Variants in DENND1A observed in about 807,000 individuals in gnomAD.
The protein encoded by DENND1A is DENN domain containing 1A, also known as DENN domain-containing protein 1A.
A neutral mutation model predicts 113.7 loss-of-function variants in DENND1A; 51 were observed. The ratio of observed to expected loss-of-function variants is 0.45; its 90% CI spans 0.36 to 0.57. DENND1A has a LOEUF of 0.57. DENND1A is among the 20% of genes least tolerant of loss of function. DENND1A has a pLI of 0.00. For missense variants in DENND1A, 1,258 were observed against 1,395.9 expected, an observed-to-expected ratio of 0.90 and a Z score of 1.57; for synonymous variants, 565 against 570.8, an observed-to-expected ratio of 0.99 and a Z score of 0.14.
chr9:123,526,569 G>A (rs568091084), intron 13 of DENND1A, among the ~76,000 whole-genome samples: 5 of 152,098 alleles, frequency 3.3e-5, no homozygotes, highest in South Asian at 4.2e-4. Flanking sequence ...CTCTACCTCC[G>A]CCACCTCGAC....
intron 19 of DENND1A, among the ~76,000 whole-genome samples, chr9:123,429,904 A>G (rs1025368929): frequency 6.6e-6 from 1 of 152,238 alleles, no homozygotes; most frequent in Non-Finnish European, 1.5e-5. Flanking sequence ...ATCAGAGTGA[A>G]CAGACAACCT....
intron 18 of DENND1A, among the ~76,000 whole-genome samples, chr9:123,447,351 C>T (rs1169194996): frequency 6.6e-6 from 1 of 152,112 alleles, no homozygotes; most frequent in African/African-American, 2.4e-5. Context: ...GTCACACCAT[C>T]GGATCTATTA....
rs745799766 is a variant in DENND1A, at chr9:123,382,260, G to A, written c.2385C>T (p.Val795=). 3.4e-5 allele frequency: 55 copies of A among 1,610,608 alleles called. 1 individual carries two copies. In the South Asian group the frequency reaches 5.8e-4, roughly 17 times the overall value. ...LQAAGAALGD[V]SERLQTDRDR... is the part of the protein sequence containing the mutation. Reference sequence around the variant, plus strand: ...CCCGATCCGTCTGCAGCCGCTCTGAGACGTCACCAAGTGCGGCGCCGGCAG... The same window carrying A: ...CCCGATCCGTCTGCAGCCGCTCTGAAACGTCACCAAGTGCGGCGCCGGCAG... Residue 795 remains valine (V), a synonymous_variant, in exon 24 of 24, where the codon GTC becomes GTT. Transcript: ENST00000394215.
chr9:123,717,397 G>C (rs1250789464), intron 5 of DENND1A, among the ~76,000 whole-genome samples: 1 of 152,196 alleles, frequency 6.6e-6, no homozygotes, highest in Non-Finnish European at 1.5e-5. Flanking sequence ...GAAGGGGAAT[G>C]ATTATCCCCA....
chr9:123,511,153 C>T (rs2053426202), intron 13 of DENND1A, among the ~76,000 whole-genome samples: 3 of 152,198 alleles, frequency 2.0e-5, no homozygotes, highest in Admixed American at 6.5e-5. Flanking sequence ...TCCCAGAGTC[C>T]CTCTCTGGGT....
chr9:123,503,305 T>C (rs1287103456), intron 13 of DENND1A, among the ~76,000 whole-genome samples: 1 of 152,218 alleles, frequency 6.6e-6, no homozygotes, highest in Non-Finnish European at 1.5e-5. Context: ...CAATATCTTT[T>C]TAGATGGTTT....
rs35223887 is a variant in DENND1A, at chr9:123,538,809, CATATATATATATATATATATATATATAT to C, written c.993+18733_993+18760del. Among the ~76,000 whole-genome samples the C allele has an allele frequency of 2.1e-3, 47 of 22,468 alleles. 4 individuals carry two copies. Among genetic ancestry groups the C allele is most frequent in the East Asian group, 0.012 (9 of 760 alleles). 14.7% of individuals were successfully genotyped at this position (22,468 alleles called of 152,430 possible). ...ATGAATCCAAAGGTGACAACTCATA[CATATATATATATATATATATATATATAT>C]ATATATATATATATATATATATGAA... On this transcript the variant is annotated intron_variant, in intron 13 of 23. Coordinates refer to ENST00000394215, the MANE Select transcript of DENND1A (RefSeq NM_001352964.2).
intron 11 of DENND1A, among the ~76,000 whole-genome samples, chr9:123,588,780 T>C (rs1564774302): frequency 6.6e-6 from 1 of 151,558 alleles, no homozygotes; most frequent in East Asian, 1.9e-4. Context: ...TTTGTTTTTT[T>C]TTTTTGAGAT....
At chr9:123,704,146 T>C (rs1163534846) in intron 5 of DENND1A, among the ~76,000 whole-genome samples, 1 of 137,510 alleles carries the variant, frequency 7.3e-6, no homozygotes. Context: ...GCCCGAAAAA[T>C]AAAATGAAAA....
chr9:123,590,347 C>A (rs536640876), intron 11 of DENND1A, among the ~76,000 whole-genome samples: 1 of 152,120 alleles, frequency 6.6e-6, no homozygotes, highest in Non-Finnish European at 1.5e-5. Flanking sequence ...GCAGACAATT[C>A]GTGAATGAAT....
intron 12 of DENND1A, among the ~76,000 whole-genome samples, chr9:123,582,513 C>T (rs1006186043): frequency 6.6e-6 from 1 of 151,614 alleles, no homozygotes; most frequent in Non-Finnish European, 1.5e-5. Context: ...AATTCTCCTG[C>T]CTCAGCCTCC....
intron 12 of DENND1A, among the ~76,000 whole-genome samples, chr9:123,564,953 C>T (rs1380506197): frequency 6.9e-6 from 1 of 144,716 alleles, no homozygotes; most frequent in Non-Finnish European, 1.5e-5. Flanking sequence ...ATGCATTCTG[C>T]AAGAATCCAA....
intron 13 of DENND1A, among the ~76,000 whole-genome samples, chr9:123,508,385 G>A (rs1050933071): frequency 6.6e-6 from 1 of 152,166 alleles, no homozygotes; most frequent in African/African-American, 2.4e-5. Flanking sequence ...ATTCTAAGAC[G>A]ACACCCATGA....
rs540410133 is a variant in DENND1A at position 123,440,553 on chromosome 9, C to T, written c.1357-62G>A. The T allele has an allele frequency of 7.4e-6, 11 of 1,492,648 alleles. No homozygotes were observed. In the African/African-American group the frequency reaches 1.6e-4, roughly 22 times the overall value. 92.5% of individuals were successfully genotyped at this position (1,492,648 alleles called of 1,614,324 possible). ...GTTCTGGCACCCATGTTCCCTCTCA[C>T]CCCACAACGAAGAGGCCTGCCAGGC... On this transcript the variant is annotated intron_variant, in intron 18 of 23. Coordinates refer to ENST00000394215, the MANE Select transcript of DENND1A (RefSeq NM_001352964.2).
chr9:123,783,950 C>T (rs959765673), intron 3 of DENND1A, among the ~76,000 whole-genome samples: 3 of 152,150 alleles, frequency 2.0e-5, no homozygotes, highest in African/African-American at 7.2e-5. Flanking sequence ...AAAGCTAAGG[C>T]TGAAGTGACT....
intron 2 of DENND1A, among the ~76,000 whole-genome samples, chr9:123,829,543 C>G (rs1192442718): frequency 1.3e-5 from 2 of 151,498 alleles, no homozygotes; most frequent in Non-Finnish European, 2.9e-5. Context: ...GAGGAAATAG[C>G]TAAAAGGGAT....
chr9:123,795,400 A>T (rs552299287), intron 2 of DENND1A, among the ~76,000 whole-genome samples: 56 of 152,344 alleles, frequency 3.7e-4, no homozygotes, highest in Non-Finnish European at 6.9e-4. Flanking sequence ...CGACATTGGA[A>T]ACATCTGAGT....
At chr9:123,499,163 A>C (rs1321560432) in intron 13 of DENND1A, among the ~76,000 whole-genome samples, 1 of 151,854 alleles carries the variant, frequency 6.6e-6, no homozygotes, top group Non-Finnish European at 1.5e-5. Flanking sequence ...CCTCCCGAGT[A>C]GCTGGGATTA....
chr9:123,928,829 A>G, intron 1 of DENND1A: 2 of 985,480 alleles, frequency 2.0e-6, no homozygotes, highest in Non-Finnish European at 2.4e-6. Flanking sequence ...AAATGCTGAA[A>G]TAAACACATT....
Sources: allele counts gnomAD v4.1 joint callset (sites outside exome capture counted in the v4.1 genomes callset), GRCh38; gene constraint gnomAD v4.1.1; transcripts MANE v1.5; gene names NCBI Gene and HGNC (gene_info 2026-07-23, HGNC 2026-07-21).